Variants in GREB1L observed in about 807,000 individuals in gnomAD.
GREB1L encodes the protein GREB1-like protein.
In GREB1L, 17 loss-of-function variants were observed where a neutral mutation model predicts 200.8. The observed-to-expected ratio is 0.08, with a 90% CI of 0.06 to 0.13. The LOEUF (loss-of-function observed/expected upper bound fraction) is 0.13. Ranked by LOEUF, GREB1L falls within the 10% of genes least tolerant of loss-of-function variation. The pLI is 1.00. For synonymous variants in GREB1L, 789 were observed against 893.0 expected (o/e 0.88, Z 2.08); for missense variants, 1,657 against 2,367.7 (o/e 0.70, Z 6.23).
chr18:21,475,126 A>G (rs1400275301), intron 16 of GREB1L, among the ~76,000 whole-genome samples: 1 of 152,176 alleles, frequency 6.6e-6, no homozygotes, highest in East Asian at 1.9e-4. Context: ...TAGAGAAAGG[A>G]CAGCAATAAG....
At chr18:21,250,800 A>C (rs1047094152) in intron 1 of GREB1L, among the ~76,000 whole-genome samples, 6 of 152,142 alleles carry the variant, frequency 3.9e-5, no homozygotes, top group Middle Eastern at 3.4e-3. Flanking sequence ...AGTCTGTTCT[A>C]TTTTTTGGAA....
At chr18:21,318,601 A>G (rs536229312) in intron 1 of GREB1L, among the ~76,000 whole-genome samples, 1 of 152,350 alleles carries the variant, frequency 6.6e-6, no homozygotes, top group Non-Finnish European at 1.5e-5. Flanking sequence ...TCCAGTGAGT[A>G]TGAAACTCAG....
chr18:21,249,280 A>G (rs182292611), intron 1 of GREB1L, among the ~76,000 whole-genome samples: 1 of 152,196 alleles, frequency 6.6e-6, no homozygotes, highest in Admixed American at 6.5e-5. Context: ...GTTGACTTTC[A>G]CTAAAACATG....
intron 1 of GREB1L, among the ~76,000 whole-genome samples, chr18:21,355,670 C>G (rs1359069378): frequency 6.6e-6 from 1 of 152,124 alleles, no homozygotes; most frequent in Non-Finnish European, 1.5e-5. Flanking sequence ...GAGATGAAAT[C>G]CAGCAGAAGG....
chr18:21,318,160 G>A (rs551966173), intron 1 of GREB1L, among the ~76,000 whole-genome samples: 226 of 150,430 alleles, frequency 1.5e-3, no homozygotes, highest in African/African-American at 5.2e-3. Context: ...AATGAGAATA[G>A]CCTCCTGGAT....
intron 17 of GREB1L, among the ~76,000 whole-genome samples, chr18:21,477,995 A>G (rs2035773952): frequency 6.6e-6 from 1 of 152,222 alleles, no homozygotes; most frequent in Non-Finnish European, 1.5e-5. Context: ...CATCATCAAT[A>G]TCCTGGATTT....
At chr18:21,496,930 C>G (rs1031315162) in intron 21 of GREB1L, among the ~76,000 whole-genome samples, 1 of 152,112 alleles carries the variant, frequency 6.6e-6, no homozygotes, top group African/African-American at 2.4e-5. Flanking sequence ...TGGTAATAGG[C>G]TAAAAACAAT....
chr18:21,261,299 A>ATT (rs2037886298), intron 1 of GREB1L, among the ~76,000 whole-genome samples: 1 of 152,084 alleles, frequency 6.6e-6, no homozygotes. Flanking sequence ...ATTCTTGAGG[A>ATT]CAAGTTTTTA....
chr18:21,320,497 C>CCA (rs2038934744), intron 1 of GREB1L, among the ~76,000 whole-genome samples: 1 of 152,142 alleles, frequency 6.6e-6, no homozygotes, highest in Non-Finnish European at 1.5e-5. Context: ...GGCGTGATGG[C>CCA]TCACGCCTGT....
rs755096621 is a variant in GREB1L at position 21,454,555 on chromosome 18, G to A, written c.2174G>A (p.Arg725Gln). ...GTTCAGCAAACTCTTCAGCGGATTC[G>A]ACAATCAGGTAAGAGTGAACTTTCA... ...VLVQQTLQRI[R>Q]QSGVLVDLGL... Residue 725 changes from arginine (R) to glutamine (Q), a missense_variant, in exon 15 of 33, where the codon CGA becomes CAA. Physicochemically the swap from Arg to Gln is conservative, Grantham distance 43 (BLOSUM62 1). Transcript: ENST00000424526. 3.2e-6 allele frequency: 5 copies of A among 1,550,708 alleles called. No individual in the cohort carries two copies. In the South Asian group the frequency reaches 4.8e-5, roughly 15 times the overall value.
intron 6 of GREB1L, among the ~76,000 whole-genome samples, 177 bp downstream of exon 6, chr18:21,401,503 C>G (rs1200363942): frequency 6.6e-6 from 1 of 152,184 alleles, no homozygotes; most frequent in Non-Finnish European, 1.5e-5. Context: ...CTAATTTTAA[C>G]AGAGACAATT....
At chr18:21,359,020 A>G (rs746928476) in intron 1 of GREB1L, among the ~76,000 whole-genome samples, 2 of 152,236 alleles carry the variant, frequency 1.3e-5, no homozygotes, top group African/African-American at 2.4e-5. Flanking sequence ...AATGTTTTCA[A>G]TCTAGAAGTG....
chr18:21,345,971 C>T (rs1002082026), intron 1 of GREB1L, among the ~76,000 whole-genome samples: 1 of 151,956 alleles, frequency 6.6e-6, no homozygotes, highest in African/African-American at 2.4e-5. Flanking sequence ...CCGAATAGAG[C>T]AGAGATCATT....
chr18:21,383,971 C>G (rs2040431777), intron 3 of GREB1L, among the ~76,000 whole-genome samples: 2 of 152,274 alleles, frequency 1.3e-5, no homozygotes, highest in Admixed American at 1.3e-4. Context: ...GCCTCCGCCT[C>G]CCAAAGTGCT....
At chr18:21,263,752 A>G (rs1021695711) in intron 1 of GREB1L, among the ~76,000 whole-genome samples, 2 of 152,224 alleles carry the variant, frequency 1.3e-5, no homozygotes, top group Non-Finnish European at 2.9e-5. Flanking sequence ...GTTATTGACT[A>G]GAGAAGTAGG....
chr18:21,393,007 A>G (rs1011504235), intron 4 of GREB1L, among the ~76,000 whole-genome samples: 4 of 152,236 alleles, frequency 2.6e-5, no homozygotes, highest in African/African-American at 9.6e-5. Context: ...TCCTGGACCC[A>G]AGCGATCTGC....
At chr18:21,276,636 A>G (rs1212274310) in intron 1 of GREB1L, among the ~76,000 whole-genome samples, 2 of 152,128 alleles carry the variant, frequency 1.3e-5, no homozygotes, top group Non-Finnish European at 2.9e-5. Context: ...ACCTTGTCTC[A>G]TTCCTCAGAG....
chr18:21,312,063 T>C (rs144810396), intron 1 of GREB1L, among the ~76,000 whole-genome samples: 106 of 152,254 alleles, frequency 7.0e-4, no homozygotes, highest in African/African-American at 2.4e-3. Context: ...CTCCCACTTA[T>C]AAGTTAGAAC....
chr18:21,284,281 A>G (rs2038319034), intron 1 of GREB1L, among the ~76,000 whole-genome samples: 2 of 152,172 alleles, frequency 1.3e-5, no homozygotes, highest in African/African-American at 4.8e-5. Context: ...TTAATTTTAG[A>G]ACGTTTTTAT....
Sources: allele counts gnomAD v4.1 joint callset (sites outside exome capture counted in the v4.1 genomes callset), GRCh38; gene constraint gnomAD v4.1.1; transcripts MANE v1.5; gene names NCBI Gene and HGNC (gene_info 2026-07-23, HGNC 2026-07-21).